Variants in MSI2 observed in about 807,000 individuals in gnomAD.
MSI2 encodes RNA-binding protein Musashi homolog 2.
MSI2 carries 17 observed loss-of-function variants against 45.6 expected under a neutral mutation model. The observed-to-expected ratio is 0.37, with a 90% CI of 0.26 to 0.56. The LOEUF is 0.56. MSI2 is among the 20% of genes least tolerant of loss of function. MSI2 has a pLI of 0.77. For synonymous variants in MSI2, 156 were observed against 158.2 expected (o/e 0.99, Z 0.11); for missense variants, 293 against 444.2 (o/e 0.66, Z 3.06).
intron 5 of MSI2, among the ~76,000 whole-genome samples, chr17:57,344,450 G>A (rs1915421978): frequency 6.6e-6 from 1 of 152,166 alleles, no homozygotes; most frequent in Non-Finnish European, 1.5e-5. Context: ...GGCATAACAA[G>A]GTGTTCCAAG....
intron 5 of MSI2, among the ~76,000 whole-genome samples, chr17:57,297,264 T>C (rs1911059894): frequency 6.6e-6 from 1 of 151,958 alleles, no homozygotes. Flanking sequence ...CTTGGAGATA[T>C]TGCAGATTCA....
the MSI2 span, among the ~76,000 whole-genome samples, chr17:57,700,579 C>T: frequency 6.6e-6 from 1 of 152,150 alleles, no homozygotes; most frequent in Non-Finnish European, 1.5e-5. Context: ...TAACATTGAC[C>T]TCACCACAAG....
intron 6 of MSI2, among the ~76,000 whole-genome samples, chr17:57,415,262 C>A (rs1242109195): frequency 6.6e-6 from 1 of 152,164 alleles, no homozygotes; most frequent in East Asian, 1.9e-4. Context: ...ACAATCCTCC[C>A]TGATGTTGAG....
chr17:57,691,252 C>T, the MSI2 span, among the ~76,000 whole-genome samples: 1 of 148,992 alleles, frequency 6.7e-6, no homozygotes, highest in Non-Finnish European at 1.5e-5. Context: ...TATTGCCATA[C>T]CACACTATCT....
intron 6 of MSI2, among the ~76,000 whole-genome samples, chr17:57,410,810 T>C (rs770755208): frequency 2.0e-5 from 3 of 152,050 alleles, no homozygotes; most frequent in Non-Finnish European, 4.4e-5. Context: ...CAATTTAAGG[T>C]GTTTTTCACT....
chr17:57,689,786 A>G, the MSI2 span, among the ~76,000 whole-genome samples: 5 of 152,144 alleles, frequency 3.3e-5, no homozygotes, highest in African/African-American at 1.2e-4. Context: ...ATCAAACAGG[A>G]TGGATTCTTT....
intron 7 of MSI2, among the ~76,000 whole-genome samples, chr17:57,573,329 T>C (rs2144321454): frequency 9.2e-6 from 1 of 108,196 alleles, no homozygotes; most frequent in Non-Finnish European, 1.8e-5. Context: ...TGTGTCGTGC[T>C]CTGTGCCAAG....
At chr17:57,643,282 G>A (rs936917692) in intron 10 of MSI2, among the ~76,000 whole-genome samples, 5 of 152,238 alleles carry the variant, frequency 3.3e-5, no homozygotes, top group Admixed American at 1.3e-4. Flanking sequence ...GGAGGAAGGC[G>A]TGAGCTCTCC....
intron 8 of MSI2, among the ~76,000 whole-genome samples, chr17:57,613,316 G>A (rs374460607): frequency 9.9e-5 from 15 of 152,004 alleles, no homozygotes; most frequent in East Asian, 7.7e-4. Context: ...CTGTTTTCCC[G>A]CTTGCAGTTA....
Position 57,530,404 on chromosome 17 carries a change from C to T in MSI2, c.454+680C>T, listed in dbSNP as rs926963419. 7.9e-5 allele frequency among the ~76,000 whole-genome samples: 12 copies of T among 152,342 alleles called. 1 individual carries two copies. Among genetic ancestry groups the T allele is most frequent in the African/African-American group, 2.9e-4 (12 of 41,578 alleles). On this transcript the variant is annotated intron_variant, in intron 7 of 13. Coordinates refer to ENST00000284073, the MANE Select transcript of MSI2 (RefSeq NM_138962.4). The stretch of plus-strand genomic sequence containing the variant: ...ATTCTCAAAAGGGTCTCTGGCCCTG[C>T]CCTTAGTCTCTTCCTTCCCCAAAAA...
At chr17:57,583,488 CTTTTT>C (rs5821192) in intron 7 of MSI2, among the ~76,000 whole-genome samples, 4 of 98,030 alleles carry the variant, frequency 4.1e-5, no homozygotes, top group Admixed American at 1.1e-4. Context: ...CCCAATGTTT[CTTTTT>C]TTTTTTTTTT....
chr17:57,653,127 G>T lies in MSI2; in HGVS notation c.790+966G>T, dbSNP rs933498270. 2.0e-5 allele frequency among the ~76,000 whole-genome samples: 3 copies of T among 152,284 alleles called. No individual in the cohort carries two copies. The South Asian group carries it at 6.2e-4, about 32-fold the overall frequency. On this transcript the variant is annotated intron_variant, in intron 11 of 13. Coordinates refer to ENST00000284073, the MANE Select transcript of MSI2 (RefSeq NM_138962.4). The stretch of plus-strand genomic sequence containing the variant: ...TGGGCAGGGTGGGGGGCTGGTGAGG[G>T]TACCAGGAAATAGAGCATTAAAAGC...
At position 57,597,036 on chromosome 17, in the gene MSI2, C is replaced by T. The variant is rs1905304963; in HGVS notation, c.537+86C>T. 4 of 1,005,676 alleles carry T rather than the reference C, an allele frequency of 4.0e-6. No homozygotes were observed. The African/African-American group carries it at 4.8e-5, about 12-fold the overall frequency. The allele number at this position is 1,005,676 out of a possible 1,614,324, so 62.3% of individuals were successfully genotyped here. A position where few individuals can be genotyped will look rare whatever the true frequency, so the allele number is the denominator to read the frequency against. On this transcript the variant is annotated intron_variant, in intron 8 of 13. Transcript: ENST00000284073. ...CTTGCAGACTGGTCCAGCCCATCAT[C>T]AGGCTGGAGTGGGCAGGGGTGGGGA...
chr17:57,477,719 G>C (rs1289721586), intron 6 of MSI2, among the ~76,000 whole-genome samples: 1 of 152,200 alleles, frequency 6.6e-6, no homozygotes, highest in Non-Finnish European at 1.5e-5. Context: ...TAGGTGCTGG[G>C]GGTGGAGAGG....
chr17:57,317,506 C>CTTTTTT (rs921448429), intron 5 of MSI2, among the ~76,000 whole-genome samples: 16 of 94,538 alleles, frequency 1.7e-4, no homozygotes, highest in Admixed American at 3.6e-4. Context: ...TATAGTTTTG[C>CTTTTTT]TTTTTTTTTT....
chr17:57,265,158 G>A (rs530355852), intron 5 of MSI2: 2 of 152,276 alleles, frequency 1.3e-5, no homozygotes, highest in East Asian at 3.9e-4. Context: ...TGGAGTTAGC[G>A]CTGGGGGCCA....
chr17:57,477,145 G>GGTGTGTGTGTGTGTGTGTGT lies in MSI2; in HGVS notation c.406-52494_406-52475dup, dbSNP rs59127306. 5.1e-5 allele frequency among the ~76,000 whole-genome samples: 6 copies of GGTGTGTGTGTGTGTGTGTGT among 118,656 alleles called. 1 individual carries two copies. Among genetic ancestry groups the GGTGTGTGTGTGTGTGTGTGT allele is most frequent in the Non-Finnish European group, 1.0e-4 (6 of 58,446 alleles). The allele number at this position is 118,656 out of a possible 152,430, so 77.8% of individuals were successfully genotyped here. A position where few individuals can be genotyped will look rare whatever the true frequency, so the allele number is the denominator to read the frequency against. On this transcript the variant is annotated intron_variant, in intron 6 of 13. Coordinates refer to ENST00000284073, the MANE Select transcript of MSI2 (RefSeq NM_138962.4). ...TCACTTCTGTTGGTCCATAAGGCCT[G>GGTGTGTGTGTGTGTGTGTGT]GTGTGTGTGTGTGTGTGTGTGTGTG... is the stretch of plus-strand genomic sequence containing the variant.
chr17:57,257,211 T>TCGGGGGGGGGGGGGGGGGGG, intron 2 of MSI2, 73 bp downstream of exon 2: 1 of 569,830 alleles, frequency 1.8e-6, no homozygotes, highest in African/African-American at 3.8e-5. Context: ...TATCCCGGTG[T>TCGGGGGGGGGGGGGGGGGGG]AGGAGCCCCC....
intron 5 of MSI2, among the ~76,000 whole-genome samples, chr17:57,380,810 A>C (rs2695350): frequency 0.073 from 11,079 of 152,120 alleles, 1,295 homozygotes; most frequent in African/African-American, 0.25. Context: ...CCAGGTGTGT[A>C]CCTTCTCTCA....
Sources: allele counts gnomAD v4.1 joint callset (sites outside exome capture counted in the v4.1 genomes callset), GRCh38; gene constraint gnomAD v4.1.1; transcripts MANE v1.5; gene names NCBI Gene and HGNC (gene_info 2026-07-23, HGNC 2026-07-21).